SPIRE1: variants seen among roughly 807,000 people sequenced by gnomAD.
SPIRE1 encodes the protein protein spire homolog 1.
Under a neutral mutation model 94.1 loss-of-function variants are expected in SPIRE1, and 40 were observed. That is an observed-to-expected ratio of 0.43 (90% CI 0.33 to 0.55). The LOEUF (loss-of-function observed/expected upper bound fraction) is 0.55, where lower values mean the gene tolerates loss of function less well. Ranked by LOEUF, SPIRE1 falls within the 20% of genes least tolerant of loss-of-function variation. The pLI is 0.06. For missense variants in SPIRE1, 838 were observed against 975.2 expected (o/e 0.86, Z 1.87); for synonymous variants, 376 against 371.7 (o/e 1.01, Z -0.13).
chr18:12,594,368 CATTA>C (rs1348868750), intron 2 of SPIRE1, among the ~76,000 whole-genome samples: 1 of 151,900 alleles, frequency 6.6e-6, no homozygotes, highest in East Asian at 1.9e-4. Context: ...TTATTATGGA[CATTA>C]ATTAATGGAA....
intron 3 of SPIRE1, among the ~76,000 whole-genome samples, chr18:12,539,019 C>T (rs2034926626): frequency 6.6e-6 from 1 of 152,216 alleles, no homozygotes; most frequent in Non-Finnish European, 1.5e-5. Context: ...TTCTTCTTCA[C>T]CTGACAGGCA....
At chr18:12,545,613 G>A (rs556069665) in intron 3 of SPIRE1, among the ~76,000 whole-genome samples, 1 of 152,234 alleles carries the variant, frequency 6.6e-6, no homozygotes, top group East Asian at 1.9e-4. Flanking sequence ...TGTACATTTG[G>A]CATGGTAGAA....
chr18:12,477,109 AAAG>A (rs1223909157), intron 10 of SPIRE1, among the ~76,000 whole-genome samples: 5 of 152,218 alleles, frequency 3.3e-5, no homozygotes, highest in African/African-American at 4.8e-5. Context: ...AGAGGACCAC[AAAG>A]AAGGTTACAG....
At chr18:12,594,927 A>G (rs1395932613) in intron 2 of SPIRE1, among the ~76,000 whole-genome samples, 1 of 152,220 alleles carries the variant, frequency 6.6e-6, no homozygotes, top group Non-Finnish European at 1.5e-5. Flanking sequence ...CTTAATGAAT[A>G]GTAAATATAT....
chr18:12,478,147 C>T (rs1006158660), intron 10 of SPIRE1, among the ~76,000 whole-genome samples: 2 of 151,694 alleles, frequency 1.3e-5, no homozygotes, highest in Admixed American at 6.6e-5. Context: ...GAGTGGAGAC[C>T]GATGAGAGGA....
chr18:12,529,953 C>T (rs1281178616), intron 4 of SPIRE1, among the ~76,000 whole-genome samples: 1 of 152,122 alleles, frequency 6.6e-6, no homozygotes, highest in African/African-American at 2.4e-5. Context: ...GGATTTTCTA[C>T]CAGTAGATTG....
chr18:12,642,377 C>T (rs886179265), intron 1 of SPIRE1, among the ~76,000 whole-genome samples: 2 of 152,132 alleles, frequency 1.3e-5, no homozygotes, highest in African/African-American at 4.8e-5. Context: ...CTACACTTTG[C>T]TTCCTAGATT....
At chr18:12,634,935 CAAAAAA>C in intron 2 of SPIRE1, 121 bp downstream of exon 2, 1 of 432,186 alleles carries the variant, frequency 2.3e-6, no homozygotes, top group Non-Finnish European at 4.1e-6. Context: ...AAGTCCATCT[CAAAAAA>C]AAAAAAAAAG....
chr18:12,599,621 T>G (rs1188644030), intron 2 of SPIRE1, among the ~76,000 whole-genome samples: 1 of 152,184 alleles, frequency 6.6e-6, no homozygotes, highest in African/African-American at 2.4e-5. Flanking sequence ...ACAATGACAC[T>G]GGAAGAATAC....
chr18:12,654,395 C>T (rs1036898129), intron 1 of SPIRE1, among the ~76,000 whole-genome samples: 4 of 150,510 alleles, frequency 2.7e-5, no homozygotes, highest in Non-Finnish European at 5.9e-5. Flanking sequence ...GCCTGTAATC[C>T]CAGCACTTTG....
intron 2 of SPIRE1, among the ~76,000 whole-genome samples, chr18:12,572,967 TTTAGATATGACAC>T (rs1257499298): frequency 1.3e-5 from 2 of 152,170 alleles, no homozygotes; most frequent in Non-Finnish European, 2.9e-5. Flanking sequence ...GCAATGATGT[TTTAGATATGACAC>T]CAAAACACAA....
chr18:12,453,887 C>T (rs58500351), intron 13 of SPIRE1, among the ~76,000 whole-genome samples: 6,513 of 152,094 alleles, frequency 0.043, 150 homozygotes, highest in South Asian at 0.091. Flanking sequence ...TGGGTTCAAG[C>T]GATTCTCCCA....
At chr18:12,544,212 T>C (rs889382034) in intron 3 of SPIRE1, among the ~76,000 whole-genome samples, 12 of 151,800 alleles carry the variant, frequency 7.9e-5, no homozygotes, top group African/African-American at 2.9e-4. Flanking sequence ...TTTTTTTTCT[T>C]TTTTTGAGAC....
intron 2 of SPIRE1, among the ~76,000 whole-genome samples, chr18:12,592,064 T>C (rs2036552029): frequency 6.6e-6 from 1 of 151,542 alleles, no homozygotes; most frequent in East Asian, 1.9e-4. Flanking sequence ...GATATCTAAG[T>C]GCACCAGTAT....
At chr18:12,512,403 T>TA in intron 5 of SPIRE1, 51 bp downstream of exon 5, 1 of 1,338,124 alleles carries the variant, frequency 7.5e-7, no homozygotes, top group Non-Finnish European at 1.0e-6. Context: ...AAAAAAAAAT[T>TA]ATACTATTTC....
At chr18:12,499,969 C>T (rs2033599877) in intron 6 of SPIRE1, among the ~76,000 whole-genome samples, 2 of 152,126 alleles carry the variant, frequency 1.3e-5, no homozygotes, top group Admixed American at 1.3e-4. Context: ...AAATCATGTC[C>T]TTTGCAGCAA....
At chr18:12,597,108 C>T (rs1027483261) in intron 2 of SPIRE1, among the ~76,000 whole-genome samples, 3 of 151,528 alleles carry the variant, frequency 2.0e-5, no homozygotes, top group African/African-American at 7.3e-5. Context: ...TATCTTACCT[C>T]AAAACCTCTA....
intron 8 of SPIRE1, among the ~76,000 whole-genome samples, chr18:12,487,713 TTA>T (rs1273193935): frequency 6.6e-6 from 1 of 152,088 alleles, no homozygotes; most frequent in South Asian, 2.1e-4. Context: ...AAAAATGAAA[TTA>T]TTATTTATTT....
chr18:12,583,596 G>A (rs997203557), intron 2 of SPIRE1, among the ~76,000 whole-genome samples: 3 of 151,048 alleles, frequency 2.0e-5, no homozygotes, highest in Non-Finnish European at 2.9e-5. Context: ...GTGAGACTCC[G>A]TCTCCAAAAA....
Sources: gnomAD v4.1 joint callset for allele counts (sites outside exome capture counted in the v4.1 genomes callset) on GRCh38, gnomAD v4.1.1 for gene constraint, MANE v1.5 for transcripts, NCBI Gene and HGNC (gene_info 2026-07-23, HGNC 2026-07-21) for gene names.